The following PTPRK variants were observed in gnomAD, a reference collection of about 807,000 sequenced individuals.
The protein encoded by PTPRK is protein tyrosine phosphatase receptor type K, also known as receptor-type tyrosine-protein phosphatase kappa.
In PTPRK, 75 loss-of-function variants were observed where a neutral mutation model predicts 178.0. The ratio of observed to expected loss-of-function variants is 0.42; its 90% CI spans 0.35 to 0.51. The LOEUF (loss-of-function observed/expected upper bound fraction) is 0.51. Ranked by LOEUF, PTPRK falls within the 20% of genes least tolerant of loss-of-function variation. The pLI is 0.02. For synonymous variants in PTPRK, 637 were observed against 620.6 expected (o/e 1.03, Z -0.39); for missense variants, 1,441 against 1,797.8 (o/e 0.80, Z 3.59).
intron 3 of PTPRK, 104 bp downstream of exon 3, chr6:128,321,935 G>C: frequency 6.8e-7 from 1 of 1,474,684 alleles, no homozygotes; most frequent in South Asian, 1.1e-5. Context: ...GAGGCAAGAG[G>C]GCAATCTCTC....
intron 12 of PTPRK, 118 bp downstream of exon 12, chr6:128,067,401 T>C: frequency 8.5e-7 from 1 of 1,178,614 alleles, no homozygotes; most frequent in Non-Finnish European, 1.1e-6. Flanking sequence ...CAGAACCCCC[T>C]ACATGCAAAT....
At chr6:128,496,531 G>A (rs981391089) in intron 1 of PTPRK, among the ~76,000 whole-genome samples, 3 of 152,160 alleles carry the variant, frequency 2.0e-5, no homozygotes, top group Non-Finnish European at 2.9e-5. Context: ...CCTAAGTGAA[G>A]TGACAACTTT....
chr6:128,347,382 C>T (rs376413652), intron 2 of PTPRK, among the ~76,000 whole-genome samples: 1 of 152,130 alleles, frequency 6.6e-6, no homozygotes, highest in East Asian at 1.9e-4. Flanking sequence ...AAAAATCCTG[C>T]TAATTCAGGC....
chr6:128,009,326 A>T, intron 13 of PTPRK, 58 bp from the exon 14 acceptor site: 1 of 1,532,540 alleles, frequency 6.5e-7, no homozygotes. Context: ...ACAGAAAAAA[A>T]TTATTCCCAG....
intron 7 of PTPRK, among the ~76,000 whole-genome samples, chr6:128,111,473 A>G (rs557638528): frequency 7.9e-5 from 12 of 152,338 alleles, no homozygotes; most frequent in Admixed American, 2.0e-4. Flanking sequence ...CTTAAACTGT[A>G]TCTCAGAATA....
intron 1 of PTPRK, among the ~76,000 whole-genome samples, chr6:128,504,883 G>A (rs1225254746): frequency 6.6e-6 from 1 of 151,848 alleles, no homozygotes; most frequent in Non-Finnish European, 1.5e-5. Flanking sequence ...TATCCTTTAG[G>A]TATTATTGTG....
intron 15 of PTPRK, among the ~76,000 whole-genome samples, chr6:128,001,361 A>G (rs1002499224): frequency 6.6e-6 from 1 of 152,040 alleles, no homozygotes; most frequent in Non-Finnish European, 1.5e-5. Context: ...ATTGGATGCA[A>G]AACTCTAAAG....
intron 3 of PTPRK, among the ~76,000 whole-genome samples, chr6:128,276,186 C>T (rs1281489298): frequency 6.6e-6 from 1 of 152,058 alleles, no homozygotes; most frequent in Non-Finnish European, 1.5e-5. Context: ...TGAGGCAACA[C>T]ATATAAAGTT....
intron 2 of PTPRK, among the ~76,000 whole-genome samples, chr6:128,373,587 T>C (rs1245706079): frequency 6.6e-6 from 1 of 152,208 alleles, no homozygotes; most frequent in Non-Finnish European, 1.5e-5. Context: ...TCTTACAACA[T>C]TGCCTCGATG....
chr6:128,319,265 T>C (rs1301387643), intron 3 of PTPRK, among the ~76,000 whole-genome samples: 3 of 152,208 alleles, frequency 2.0e-5, no homozygotes, highest in Non-Finnish European at 4.4e-5. Context: ...ACCTCTCTTA[T>C]GTCATTTAAC....
intron 5 of PTPRK, among the ~76,000 whole-genome samples, chr6:128,226,003 A>G (rs930615932): frequency 2.0e-5 from 3 of 152,184 alleles, no homozygotes; most frequent in African/African-American, 7.2e-5. Context: ...TTCAACAAGA[A>G]AAAGAGTTTC....
intron 1 of PTPRK, among the ~76,000 whole-genome samples, chr6:128,448,023 T>C (rs1383764712): frequency 6.6e-6 from 1 of 152,148 alleles, no homozygotes; most frequent in African/African-American, 2.4e-5. Context: ...ACTCCATGAC[T>C]CAGAAATATC....
At chr6:128,234,740 G>A (rs536695466) in intron 5 of PTPRK, among the ~76,000 whole-genome samples, 4 of 152,242 alleles carry the variant, frequency 2.6e-5, no homozygotes, top group East Asian at 1.9e-4. Flanking sequence ...GGACATGTAG[G>A]TTTTTTCTAA....
chr6:128,370,067 C>G lies in PTPRK; in HGVS notation c.223+27499G>C, dbSNP rs537844608. On this transcript the variant is annotated intron_variant, in intron 2 of 29. Transcript: ENST00000368226. ...AATAATGAGCAAGAAATGAAAGCTGCATTTCAGAGGCTTAGAGTTTACAGA... is the reference window on the plus strand; with the variant it reads ...AATAATGAGCAAGAAATGAAAGCTGGATTTCAGAGGCTTAGAGTTTACAGA... 4.6e-5 allele frequency among the ~76,000 whole-genome samples: 7 copies of G among 152,222 alleles called. No homozygotes were observed. In the East Asian group the frequency reaches 1.3e-3, roughly 29 times the overall value.
chr6:128,090,521 A>T (rs1313426965), intron 7 of PTPRK, among the ~76,000 whole-genome samples: 2 of 152,246 alleles, frequency 1.3e-5, no homozygotes, highest in African/African-American at 4.8e-5. Context: ...CATCAAAGCA[A>T]AAAACAATGG....
At chr6:128,194,746 A>G (rs891199046) in intron 6 of PTPRK, among the ~76,000 whole-genome samples, 2 of 152,204 alleles carry the variant, frequency 1.3e-5, no homozygotes, top group Non-Finnish European at 1.5e-5. Context: ...TTTAAAAAAT[A>G]TATGGTTGGA....
chr6:128,128,358 C>A (rs1419732911), intron 7 of PTPRK, among the ~76,000 whole-genome samples: 1 of 152,118 alleles, frequency 6.6e-6, no homozygotes, highest in Non-Finnish European at 1.5e-5. Flanking sequence ...ACTGCTTATA[C>A]AAGCATAGGC....
At chr6:128,298,244 A>G (rs1375774507) in intron 3 of PTPRK, among the ~76,000 whole-genome samples, 1 of 152,130 alleles carries the variant, frequency 6.6e-6, no homozygotes, top group Non-Finnish European at 1.5e-5. Flanking sequence ...TCAATAGCTT[A>G]CCAACCAAAA....
intron 2 of PTPRK, among the ~76,000 whole-genome samples, chr6:128,391,352 A>G (rs1036017261): frequency 6.6e-6 from 1 of 152,126 alleles, no homozygotes; most frequent in Non-Finnish European, 1.5e-5. Flanking sequence ...ATGTTCACAC[A>G]CACTCTCTTT....
Sources: gnomAD v4.1 joint callset for allele counts (sites outside exome capture counted in the v4.1 genomes callset) on GRCh38, gnomAD v4.1.1 for gene constraint, MANE v1.5 for transcripts, NCBI Gene and HGNC (gene_info 2026-07-23, HGNC 2026-07-21) for gene names.